The following IARS1 variants were observed in gnomAD, a reference collection of about 807,000 sequenced individuals.
The protein encoded by IARS1 is isoleucyl-tRNA synthetase 1.
A neutral mutation model predicts 168.2 loss-of-function variants in IARS1; 124 were observed. The observed-to-expected ratio is 0.74, with a 90% CI of 0.64 to 0.86. IARS1 has a LOEUF of 0.86. Ranked by LOEUF, IARS1 falls within the 40% of genes least tolerant of loss-of-function variation. The pLI is 0.00. For missense variants in IARS1, 1,452 were observed against 1,515.8 expected, an observed-to-expected ratio of 0.96 and a Z score of 0.70; for synonymous variants, 532 against 529.4, an observed-to-expected ratio of 1.00 and a Z score of -0.07.
intron 6 of IARS1, among the ~76,000 whole-genome samples, chr9:92,281,135 CTTTTTT>C (rs35960000): frequency 7.4e-6 from 1 of 135,544 alleles, no homozygotes. Context: ...CACCTGGTGA[CTTTTTT>C]TTTTTTTTTT....
Position 92,250,748 on chromosome 9 carries a change from T to C in IARS1, c.2394A>G (p.Thr798=). 6.2e-7 allele frequency: 1 copy of C among 1,613,168 alleles called. No individual in the cohort carries two copies. The highest frequency in any genetic ancestry group is 8.5e-7 in the Non-Finnish European group (1 of 1,179,670). The part of the protein sequence containing the change: ...IDPVSVQDKD[T]LSIHYLMLPR... ...GCAGCATGAGGTAGTGAATGCTGAGTGTGTCCTTGTCCTGAACAGAAACAG... is the reference window on the plus strand; with the variant it reads ...GCAGCATGAGGTAGTGAATGCTGAGCGTGTCCTTGTCCTGAACAGAAACAG... Residue 798 remains threonine, a synonymous_variant, in exon 23 of 34, where the codon ACA becomes ACG. Coordinates refer to ENST00000443024, the MANE Select transcript of IARS1 (RefSeq NM_002161.6).
chr9:92,230,914 T>C (rs1826571621), intron 30 of IARS1, among the ~76,000 whole-genome samples: 1 of 152,234 alleles, frequency 6.6e-6, no homozygotes, highest in Admixed American at 6.5e-5. Flanking sequence ...TCTGTTCATA[T>C]CTCTACCCCA....
chr9:92,261,037 G>A (rs958307294), intron 17 of IARS1, among the ~76,000 whole-genome samples: 2 of 152,110 alleles, frequency 1.3e-5, no homozygotes, highest in South Asian at 4.1e-4. Flanking sequence ...AGCTGGGTGC[G>A]GTGGCTCATG....
chr9:92,240,403 A>G lies in IARS1; in HGVS notation c.3283+453T>C, dbSNP rs1233558544. The G allele has an allele frequency of 7.2e-6, 3 of 415,696 alleles. No individual in the cohort carries two copies. The Admixed American group carries it at 1.2e-4, about 17-fold the overall frequency. The allele number at this position is 415,696 out of a possible 1,614,324, so 25.8% of individuals were successfully genotyped here. A position where few individuals can be genotyped will look rare whatever the true frequency, so the allele number is the denominator to read the frequency against. On this transcript the variant is annotated intron_variant, in intron 30 of 33. Transcript: ENST00000443024. ...CTCAGCCTCCTGAGTAGCTGGGATT[A>G]TAGGTACCTGCCACCATGCCTGGCT...
At chr9:92,284,679 G>A (rs1835158725) in intron 6 of IARS1, among the ~76,000 whole-genome samples, 1 of 151,874 alleles carries the variant, frequency 6.6e-6, no homozygotes, top group Non-Finnish European at 1.5e-5. Flanking sequence ...CTGAGGCAAA[G>A]AACTGCTTGA....
intron 33 of IARS1, among the ~76,000 whole-genome samples, chr9:92,211,989 A>G (rs960572354): frequency 6.6e-6 from 1 of 152,224 alleles, no homozygotes; most frequent in East Asian, 1.9e-4. Flanking sequence ...AAAAAAAAAG[A>G]AAATTTAAAG....
chr9:92,243,494 C>T, intron 27 of IARS1, 183 bp from the exon 28 acceptor site: 1 of 503,344 alleles, frequency 2.0e-6, no homozygotes, highest in Non-Finnish European at 3.6e-6. Flanking sequence ...ATCAGCTAGT[C>T]CTCTGTCTCT....
intron 19 of IARS1, 26 bp downstream of exon 19, chr9:92,258,828 C>A: frequency 6.4e-7 from 1 of 1,570,484 alleles, no homozygotes; most frequent in Non-Finnish European, 8.6e-7. Flanking sequence ...ACGGCAGGTA[C>A]ATGTGCAGCC....
intron 17 of IARS1, among the ~76,000 whole-genome samples, chr9:92,260,729 C>T (rs1405607255): frequency 6.6e-6 from 1 of 150,388 alleles, no homozygotes; most frequent in Non-Finnish European, 1.5e-5. Context: ...TTTTGAATAT[C>T]ATACTAAGTC....
At chr9:92,242,804 A>G in intron 28 of IARS1, 1 of 207,162 alleles carries the variant, frequency 4.8e-6, no homozygotes, top group East Asian at 1.2e-4. Flanking sequence ...CTCCCTGCAT[A>G]TTCCTCAGCT....
chr9:92,280,696 A>G (rs1195820474), intron 7 of IARS1, 50 bp downstream of exon 7: 2 of 1,273,056 alleles, frequency 1.6e-6, no homozygotes. Flanking sequence ...TTTCCAAAAT[A>G]TAAAATTATC....
intron 20 of IARS1, among the ~76,000 whole-genome samples, chr9:92,255,013 A>G (rs1292236434): frequency 1.3e-5 from 2 of 152,098 alleles, no homozygotes; most frequent in Non-Finnish European, 2.9e-5. Flanking sequence ...CACGTTTCCC[A>G]CCCACTTGTA....
chr9:92,264,959 A>C lies in IARS1; in HGVS notation c.1670T>G (p.Ile557Ser). The change falls in exon 16 of 34, where the codon ATT becomes AGT. Residue 557 changes from isoleucine (I) to serine (S), a missense_variant. By Grantham distance (142) the Ile-to-Ser change is moderately radical (BLOSUM62 -2). Transcript: ENST00000443024. ...TCTGGTTTGGTCGATGCCCTCGGCA[A>C]TGAAATCTGCAGGAAAAGCATCCTC... ...EFEDAFPADFIAEGIDQTRGW... is the reference protein window; with the variant it reads ...EFEDAFPADFSAEGIDQTRGW... 6.2e-7 allele frequency: 1 copy of C among 1,614,124 alleles called. No individual in the cohort carries two copies. The highest frequency in any genetic ancestry group is 8.5e-7 in the Non-Finnish European group (1 of 1,179,988).
intron 16 of IARS1, 142 bp from the exon 17 acceptor site, chr9:92,263,197 GT>G: frequency 1.6e-6 from 1 of 615,026 alleles, no homozygotes. Context: ...CTTAATCCTG[GT>G]TACTGGAGAC....
At chr9:92,224,886 T>C (rs1316392885) in intron 31 of IARS1, among the ~76,000 whole-genome samples, 1 of 152,062 alleles carries the variant, frequency 6.6e-6, no homozygotes, top group Admixed American at 6.6e-5. Flanking sequence ...TGTTCTATTC[T>C]GCCGCCAGCC....
chr9:92,213,189 C>G (rs922283115), intron 33 of IARS1, among the ~76,000 whole-genome samples: 2 of 151,984 alleles, frequency 1.3e-5, no homozygotes, highest in Non-Finnish European at 2.9e-5. Flanking sequence ...AAAATAATGA[C>G]TCCCATGGGG....
In IARS1 at chr9:92,256,766, G is replaced by A. The variant is rs2070053; in HGVS notation, c.2051C>T (p.Thr684Met). 6,473 of 1,613,132 alleles carry A rather than the reference G, an allele frequency of 4.0e-3. 38 individuals carry two copies. The highest frequency in any genetic ancestry group is 0.017 in the African/African-American group (1,247 of 75,006). The change falls in exon 20 of 34, where the codon ACG (threonine) becomes ATG (methionine). Residue 684 changes from threonine (T) to methionine (M), a missense_variant. Coordinates refer to ENST00000443024, the MANE Select transcript of IARS1 (RefSeq NM_002161.6). ...EEIEFLYNEN[T>M]VRESPNITDR... ...TGTAATGTTGGGGCTTTCTCTAACC[G>A]TGTTCTCATTGTAGAGAAATTCTAT...
At chr9:92,240,677 T>G (rs998500858) in intron 30 of IARS1, 179 bp downstream of exon 30, 2 of 717,922 alleles carry the variant, frequency 2.8e-6, no homozygotes, top group African/African-American at 3.5e-5. Context: ...TCAGGAATGA[T>G]CCACTGCATC....
In IARS1 at chr9:92,274,543, C is replaced by T. The variant is rs745419181; in HGVS notation, c.895-22G>A. Reference sequence around the variant, plus strand: ...TACACTGGAAAGAAAGGACAGCAGGCTTCAGGGATGAAACATTACTGTGTT... The same window carrying T: ...TACACTGGAAAGAAAGGACAGCAGGTTTCAGGGATGAAACATTACTGTGTT... On this transcript the variant is annotated intron_variant, in intron 9 of 33. Coordinates refer to ENST00000443024, the MANE Select transcript of IARS1 (RefSeq NM_002161.6). The T allele has an allele frequency of 2.6e-6, 4 of 1,547,462 alleles. No homozygotes were observed. The African/African-American group carries it at 5.4e-5, about 21-fold the overall frequency.
Sources: allele counts gnomAD v4.1 joint callset (sites outside exome capture counted in the v4.1 genomes callset), GRCh38; gene constraint gnomAD v4.1.1; transcripts MANE v1.5; gene names NCBI Gene and HGNC (gene_info 2026-07-23, HGNC 2026-07-21).